The following ZNF549 variants were observed in gnomAD, a reference collection of about 807,000 sequenced individuals.
The protein encoded by ZNF549 is zinc finger protein 549.
ZNF549 carries 11 observed loss-of-function variants against 11.1 expected under a neutral mutation model. The ratio of observed to expected loss-of-function variants is 0.99; its 90% CI spans 0.62 to 1.64. The LOEUF (loss-of-function observed/expected upper bound fraction) is 1.64. Among genes scored for constraint, ZNF549 ranks in the 40% most tolerant of loss-of-function variants. The pLI is 0.00. For synonymous variants in ZNF549, 266 were observed against 269.1 expected, an observed-to-expected ratio of 0.99 and a Z score of 0.11; for missense variants, 748 against 765.1, an observed-to-expected ratio of 0.98 and a Z score of 0.26.
rs764738932 is a variant in ZNF549 at position 57,540,079 on chromosome 19, G to A, written c.*1152G>A. ...CTTATGTACTGTTTTTGAGATGATT[G>A]CTGCACGGGCAGGAAAGCAGGATTT... On this transcript the variant is annotated 3_prime_UTR_variant, in exon 4 of 4. Transcript: ENST00000376233. 6.6e-6 allele frequency: 1 copy of A among 152,192 alleles called. No individual in the cohort carries two copies. The highest frequency in any genetic ancestry group is 1.5e-5 in the Non-Finnish European group (1 of 68,044). 9.4% of individuals were successfully genotyped at this position (152,192 alleles called of 1,614,324 possible).
At position 57,535,132 on chromosome 19, in the gene ZNF549, C is replaced by T. The variant is rs370395396; in HGVS notation, c.73-12C>T. Reference sequence around the variant, plus strand: ...GAGTCTGCTCATGATTTCATCTGCCCCCATCATGCAGGGCCATGTGACCTT... The same window carrying T: ...GAGTCTGCTCATGATTTCATCTGCCTCCATCATGCAGGGCCATGTGACCTT... On this transcript the variant is annotated splice_polypyrimidine_tract_variant and intron_variant, in intron 2 of 3. Coordinates refer to ENST00000376233, the MANE Select transcript of ZNF549 (RefSeq NM_001199295.2). 1 of 1,612,516 alleles carries T rather than the reference C, an allele frequency of 6.2e-7. No individual in the cohort carries two copies. The highest frequency in any genetic ancestry group is 1.3e-5 in the African/African-American group (1 of 74,852).
chr19:57,531,130 T>G lies in ZNF549; in HGVS notation c.72+22T>G, dbSNP rs1359066083. ...ACAGGTAAGTGGAAGAAGTCCCAGG[T>G]CTTCACTGGCCCTGTTCCCTAAAGC... On this transcript the variant is annotated intron_variant, in intron 2 of 3. Coordinates refer to ENST00000376233, the MANE Select transcript of ZNF549 (RefSeq NM_001199295.2). The G allele has an allele frequency of 2.5e-6, 4 of 1,597,802 alleles. No homozygotes were observed. The African/African-American group carries it at 5.3e-5, about 21-fold the overall frequency.
At chr19:57,530,310 G>A (rs1312818164) in intron 1 of ZNF549, among the ~76,000 whole-genome samples, 2 of 152,228 alleles carry the variant, frequency 1.3e-5, no homozygotes, top group Non-Finnish European at 2.9e-5. Context: ...ACACTTGGAA[G>A]TGCTGGGAGA....
Position 57,538,348 on chromosome 19 carries a change from CAT to C in ZNF549, c.1347_1348del (p.Ile449MetfsTer10). On this transcript the variant is annotated frameshift_variant, in exon 4 of 4. Transcript: ENST00000376233. LOFTEE classifies it low-confidence loss of function (END_TRUNC). ...HTGEKPYVCI[I>X]CGKSFIRSSD... ...CTGGAGAAAAGCCTTATGTGTGCAT[CAT>C]ATGTGGGAAATCATTTATCCGCTCG... The C allele has an allele frequency of 6.2e-7, 1 of 1,613,296 alleles. No individual in the cohort carries two copies. Among genetic ancestry groups the C allele is most frequent in the Non-Finnish European group, 8.5e-7 (1 of 1,179,842 alleles).
rs1387937443 is a variant in ZNF549, at chr19:57,537,827, T to C, written c.823T>C (p.Tyr275His). ...HQRTHNAEKP[Y>H]VCNICGKSFL... Reference sequence around the variant, plus strand: ...GAGAACCCATAATGCAGAAAAGCCTTATGTGTGCAATATATGTGGGAAATC... The same window carrying C: ...GAGAACCCATAATGCAGAAAAGCCTCATGTGTGCAATATATGTGGGAAATC... Residue 275 changes from tyrosine (Y) to histidine (H), a missense_variant, in exon 4 of 4, where the codon TAT becomes CAT. By Grantham distance (83) the Tyr-to-His change is moderately conservative. Transcript: ENST00000376233. The C allele has an allele frequency of 1.2e-6, 2 of 1,614,226 alleles. No individual in the cohort carries two copies. The highest frequency in any genetic ancestry group is 1.7e-5 in the Admixed American group (1 of 60,030).
chr19:57,533,426 C>T (rs1167364708), intron 2 of ZNF549, among the ~76,000 whole-genome samples: 2 of 152,210 alleles, frequency 1.3e-5, no homozygotes, highest in Admixed American at 1.3e-4. Context: ...CTCTGATTAA[C>T]TGTTGTCTCC....
At chr19:57,535,398 A>G in intron 3 of ZNF549, 128 bp downstream of exon 3, 2 of 1,361,774 alleles carry the variant, frequency 1.5e-6, no homozygotes, top group Non-Finnish European at 2.0e-6. Flanking sequence ...TGACCTGTGG[A>G]AGACATAGGC....
At chr19:57,535,529 C>T (rs2059203069) in intron 3 of ZNF549, 1 of 465,836 alleles carries the variant, frequency 2.1e-6, no homozygotes, top group Non-Finnish European at 3.8e-6. Flanking sequence ...GGTTTTGCCA[C>T]TCCTTGCTAA....
At chr19:57,533,331 G>T (rs1041165775) in intron 2 of ZNF549, among the ~76,000 whole-genome samples, 1 of 152,132 alleles carries the variant, frequency 6.6e-6, no homozygotes, top group East Asian at 1.9e-4. Context: ...CCATTATGTG[G>T]AAGAGGAATA....
chr19:57,536,960 G>C (rs2089927282), intron 3 of ZNF549, among the ~76,000 whole-genome samples: 1 of 152,140 alleles, frequency 6.6e-6, no homozygotes, highest in African/African-American at 2.4e-5. Context: ...GCCAGGTATG[G>C]TGGTATATGC....
Position 57,527,438 on chromosome 19 carries a change from G to C in ZNF549, c.-136G>C. 11 of 1,248,066 alleles carry C rather than the reference G, an allele frequency of 8.8e-6. No homozygotes were observed. The highest frequency in any genetic ancestry group is 1.1e-5 in the Non-Finnish European group (10 of 882,626). The allele number at this position is 1,248,066 out of a possible 1,614,324, so 77.3% of individuals were successfully genotyped here. On this transcript the variant is annotated 5_prime_UTR_variant, in exon 1 of 4. Coordinates refer to ENST00000376233, the MANE Select transcript of ZNF549 (RefSeq NM_001199295.2). ...GGCCAGGTAACTGGAGCCGGAAACC[G>C]GTGGAGGTGGTGTCCGCCCGCAGAG...
intron 1 of ZNF549, among the ~76,000 whole-genome samples, chr19:57,528,257 A>G (rs2089888107): frequency 1.3e-5 from 2 of 152,332 alleles, no homozygotes; most frequent in South Asian, 4.1e-4. Flanking sequence ...TTACCTGAAC[A>G]TCTGGAAGAG....
At position 57,538,301 on chromosome 19, in the gene ZNF549, C is replaced by A; in HGVS notation, c.1297C>A (p.Leu433Ile). The A allele has an allele frequency of 6.2e-7, 1 of 1,612,988 alleles. No individual in the cohort carries two copies. The highest frequency in any genetic ancestry group is 8.5e-7 in the Non-Finnish European group (1 of 1,179,734). Reference protein sequence around the residue: ...GKAFIHKKRLLEHQRIHTGEK... With the variant: ...GKAFIHKKRLIEHQRIHTGEK... ...GGCCTTCATTCACAAAAAAAGACTT[C>A]TTGAGCACCAGAGAATTCATACTGG... The change falls in exon 4 of 4, where the codon CTT (leucine) becomes ATT (isoleucine). Residue 433 changes from leucine (L) to isoleucine (I), a missense_variant. Coordinates refer to ENST00000376233, the MANE Select transcript of ZNF549 (RefSeq NM_001199295.2).
At position 57,539,313 on chromosome 19, in the gene ZNF549, T is replaced by C. The variant is rs549324566; in HGVS notation, c.*386T>C. ...TTTGACCAAGAAGAGCAATCTGGAT[T>C]CTTGTAGCCCATGGAGGTTTACCTT... is the stretch of plus-strand genomic sequence containing the variant. On this transcript the variant is annotated 3_prime_UTR_variant, in exon 4 of 4. Transcript: ENST00000376233. 1 of 168,928 alleles carries C rather than the reference T, an allele frequency of 5.9e-6. No homozygotes were observed. The highest frequency in any genetic ancestry group is 1.3e-5 in the Non-Finnish European group (1 of 77,772). The allele number at this position is 168,928 out of a possible 1,614,324, so 10.5% of individuals were successfully genotyped here.
chr19:57,527,715 T>C (rs2089884812), intron 1 of ZNF549, 109 bp downstream of exon 1: 1 of 1,371,728 alleles, frequency 7.3e-7, no homozygotes, highest in Non-Finnish European at 1.0e-6. Context: ...CGAGGAGTTC[T>C]GGGTGGGGTC....
rs1482047089 is a variant in ZNF549, at chr19:57,538,371, G to A, written c.1367G>A (p.Arg456His). The A allele has an allele frequency of 1.6e-5, 25 of 1,611,922 alleles. No individual in the cohort carries two copies. Among genetic ancestry groups the A allele is most frequent in the East Asian group, 2.2e-5 (1 of 44,712 alleles). The change falls in exon 4 of 4, where the codon CGC becomes CAC. Residue 456 changes from arginine to histidine, a missense_variant. Coordinates refer to ENST00000376233, the MANE Select transcript of ZNF549 (RefSeq NM_001199295.2). ...VCIICGKSFIRSSDYMRHQRI... is the reference protein window; with the variant it reads ...VCIICGKSFIHSSDYMRHQRI... Reference sequence around the variant, plus strand: ...ATCATATGTGGGAAATCATTTATCCGCTCGTCTGACTACATGCGACACCAG... The same window carrying A: ...ATCATATGTGGGAAATCATTTATCCACTCGTCTGACTACATGCGACACCAG...
intron 1 of ZNF549, 120 bp from the exon 2 acceptor site, chr19:57,530,950 A>G: frequency 1.1e-6 from 1 of 895,226 alleles, no homozygotes; most frequent in South Asian, 1.5e-5. Flanking sequence ...CATTTTACAG[A>G]TGAAGGCAAC....
chr19:57,527,833 TG>T (rs1430709019), intron 1 of ZNF549, among the ~76,000 whole-genome samples: 1 of 151,794 alleles, frequency 6.6e-6, no homozygotes, highest in Non-Finnish European at 1.5e-5. Flanking sequence ...TTCGGAAACT[TG>T]GGGGCGGACC....
chr19:57,527,641 C>T (rs546988617), intron 1 of ZNF549, 35 bp downstream of exon 1: 1 of 1,610,166 alleles, frequency 6.2e-7, no homozygotes. Context: ...CACCTGGGTC[C>T]TGAGGCCCCG....
Sources: gnomAD v4.1 joint callset for allele counts (sites outside exome capture counted in the v4.1 genomes callset) on GRCh38, gnomAD v4.1.1 for gene constraint, MANE v1.5 for transcripts, NCBI Gene and HGNC (gene_info 2026-07-23, HGNC 2026-07-21) for gene names.